Variants in CPNE1 observed in about 807,000 individuals in gnomAD.
CPNE1 encodes copine 1, also known as copine-1.
A neutral mutation model predicts 63.2 loss-of-function variants in CPNE1; 58 were observed. That is an observed-to-expected ratio of 0.92 (90% CI 0.74 to 1.14). CPNE1 has a LOEUF of 1.14. CPNE1 is among the 50% of genes most tolerant of loss of function. The pLI, the probability that CPNE1 is intolerant of heterozygous loss-of-function variation, is 0.00. For synonymous variants in CPNE1, 237 were observed against 249.0 expected (o/e 0.95, Z 0.45); for missense variants, 672 against 661.7 (o/e 1.02, Z -0.17).
intron 1 of CPNE1, among the ~76,000 whole-genome samples, chr20:35,663,701 G>T (rs143226114): frequency 1.5e-4 from 23 of 152,142 alleles, no homozygotes; most frequent in Non-Finnish European, 2.5e-4. Flanking sequence ...CCTCACAAGA[G>T]CCCCTCAGAT....
chr20:35,654,390 C>T (rs779714290), intron 1 of CPNE1: 2 of 1,614,098 alleles, frequency 1.2e-6, no homozygotes, highest in South Asian at 1.1e-5. Flanking sequence ...CAGAAAAGGG[C>T]ATTCCATGCA....
chr20:35,636,210 G>T (rs1003457179), intron 1 of CPNE1, among the ~76,000 whole-genome samples: 1 of 152,208 alleles, frequency 6.6e-6, no homozygotes, highest in East Asian at 1.9e-4. Flanking sequence ...TCCCTTGGGG[G>T]TTCCCCAAGG....
intron 1 of CPNE1, chr20:35,653,662 C>G (rs542564329): frequency 1.9e-6 from 3 of 1,614,160 alleles, no homozygotes; most frequent in Non-Finnish European, 2.5e-6. Flanking sequence ...CTTTGTAATG[C>G]TGAATGGAAT....
rs1188427346 is a variant in CPNE1 at position 35,632,293 on chromosome 20, C to A, written c.384+18G>T. 6.2e-7 allele frequency: 1 copy of A among 1,613,970 alleles called. No individual in the cohort carries two copies. Among genetic ancestry groups the A allele is most frequent in the Non-Finnish European group, 8.5e-7 (1 of 1,179,856 alleles). On this transcript the variant is annotated intron_variant, in intron 4 of 15. Coordinates refer to ENST00000397443, the MANE Select transcript of CPNE1 (RefSeq NM_152925.3). ...CATTGATGTTAAGTCCCTCCTCAAC[C>A]CTTGCTGGGTTCCTTACCGTGATGG...
rs2146286167 is a variant in CPNE1, at chr20:35,631,768, T to C, written c.547A>G (p.Asn183Asp). Residue 183 changes from asparagine (N) to aspartate (D), a missense_variant, in exon 7 of 16, where the codon AAC becomes GAC. By Grantham distance (23) the Asn-to-Asp change is conservative. Transcript: ENST00000397443. ...HLVYRSEVIK[N>D]NLNPTWKRFS... ...CGCTTCCATGTAGGGTTCAGGTTGT[T>C]CTTGATGACCTGAAGGTGGAGGCCA... 3 of 1,613,840 alleles carry C rather than the reference T, an allele frequency of 1.9e-6. No homozygotes were observed. Among genetic ancestry groups the C allele is most frequent in the Non-Finnish European group, 2.5e-6 (3 of 1,179,916 alleles).
intron 1 of CPNE1, among the ~76,000 whole-genome samples, chr20:35,640,116 T>TCA (rs10649224): frequency 0.21 from 32,550 of 152,046 alleles, 3,607 homozygotes; most frequent in South Asian, 0.34. Flanking sequence ...CTCATTGGAA[T>TCA]CAACTCTTTA....
rs1340237228 is a variant in CPNE1, at chr20:35,631,014, G to A, written c.882C>T (p.Gly294=). The stretch of plus-strand genomic sequence containing the variant: ...CAGGTGAGGAGGGGTCTCCATTGGA[G>A]CCAGTGAAGTCCACGCCCACCTGGG... The part of the protein sequence containing the change: ...INFTVGVDFT[G]SNGDPSSPDS... The change falls in exon 11 of 16, where the codon GGC becomes GGT. Residue 294 remains glycine, a synonymous_variant. Transcript: ENST00000397443. 5 of 1,614,048 alleles carry A rather than the reference G, an allele frequency of 3.1e-6. No homozygotes were observed. In the Admixed American group the frequency reaches 8.3e-5, roughly 27 times the overall value.
intron 1 of CPNE1, chr20:35,653,334 G>A (rs369186536): frequency 1.2e-6 from 2 of 1,613,690 alleles, no homozygotes; most frequent in African/African-American, 1.3e-5. Flanking sequence ...GTCCTGCACT[G>A]GGCAGTCCCA....
intron 1 of CPNE1, among the ~76,000 whole-genome samples, chr20:35,633,713 G>A (rs575362023): frequency 8.2e-4 from 125 of 152,264 alleles, no homozygotes; most frequent in Non-Finnish European, 1.6e-3. Context: ...GGCACTTTGG[G>A]AGGCCAAGGT....
At chr20:35,637,524 T>C (rs1281253170) in intron 1 of CPNE1, among the ~76,000 whole-genome samples, 1 of 152,208 alleles carries the variant, frequency 6.6e-6, no homozygotes, top group East Asian at 1.9e-4. Context: ...CTGACTTTCC[T>C]GCCTAGCAAA....
At chr20:35,656,670 G>A (rs538209257) in intron 1 of CPNE1, among the ~76,000 whole-genome samples, 3 of 152,272 alleles carry the variant, frequency 2.0e-5, no homozygotes, top group Admixed American at 2.0e-4. Context: ...AAGTAGCTGG[G>A]ATTACAGGCA....
intron 1 of CPNE1, among the ~76,000 whole-genome samples, chr20:35,661,621 G>A (rs149829686): frequency 2.1e-3 from 312 of 152,178 alleles, no homozygotes; most frequent in African/African-American, 7.2e-3. Context: ...ACAAAATACC[G>A]GATGCATGCA....
chr20:35,654,617 TC>T (rs1470031470), intron 1 of CPNE1: 1 of 1,613,632 alleles, frequency 6.2e-7, no homozygotes, highest in Admixed American at 1.7e-5. Context: ...GGCAGTGGGG[TC>T]ATGGGTGGCA....
At chr20:35,660,047 C>G (rs1163819702) in intron 1 of CPNE1, among the ~76,000 whole-genome samples, 1 of 152,132 alleles carries the variant, frequency 6.6e-6, no homozygotes, top group African/African-American at 2.4e-5. Context: ...GTGTGATTTT[C>G]TAAAGGACAA....
chr20:35,630,900 C>T lies in CPNE1; in HGVS notation c.995+1G>A, dbSNP rs964982391. The T allele has an allele frequency of 1.5e-5, 24 of 1,604,330 alleles. No individual in the cohort carries two copies. Among genetic ancestry groups the T allele is most frequent in the South Asian group, 3.3e-5 (3 of 89,778 alleles). On this transcript the variant is annotated splice_donor_variant, in intron 11 of 15. Transcript: ENST00000397443. LOFTEE classifies it high-confidence loss of function. ...TATAGCCCAGAGAAGCAGGTACTCA[C>T]GAGTCATAGTCCTGAACCACGCTGC... is the stretch of plus-strand genomic sequence containing the variant.
intron 1 of CPNE1, chr20:35,652,383 C>A: frequency 1.1e-6 from 1 of 942,044 alleles, no homozygotes; most frequent in Non-Finnish European, 1.6e-6. Flanking sequence ...AAACAGTCAA[C>A]CAATGCTCTA....
intron 1 of CPNE1, among the ~76,000 whole-genome samples, chr20:35,634,925 GTA>G (rs2032403338): frequency 2.5e-5 from 1 of 39,518 alleles, no homozygotes; most frequent in Non-Finnish European, 5.7e-5. Flanking sequence ...TTTTTTTTTT[GTA>G]GAGACAGGGT....
chr20:35,627,853 T>G (rs1425060733), intron 13 of CPNE1, among the ~76,000 whole-genome samples: 3 of 152,012 alleles, frequency 2.0e-5, no homozygotes, highest in Admixed American at 2.0e-4. Context: ...ATGTTAAAAC[T>G]AGAGAGTATA....
intron 1 of CPNE1, among the ~76,000 whole-genome samples, chr20:35,659,418 C>T (rs894224893): frequency 5.9e-5 from 9 of 152,188 alleles, no homozygotes; most frequent in East Asian, 1.9e-4. Context: ...GGCACAAGTT[C>T]GCACAATAAC....
Sources: gnomAD v4.1 joint callset for allele counts (sites outside exome capture counted in the v4.1 genomes callset) on GRCh38, gnomAD v4.1.1 for gene constraint, MANE v1.5 for transcripts, NCBI Gene and HGNC (gene_info 2026-07-23, HGNC 2026-07-21) for gene names.